Variants in STOX2 observed in about 807,000 individuals in gnomAD.
The protein encoded by STOX2 is storkhead box 2, also known as storkhead-box protein 2.
In STOX2, 28 loss-of-function variants were observed where a neutral mutation model predicts 60.9. The ratio of observed to expected loss-of-function variants is 0.46; its 90% CI spans 0.34 to 0.63. The LOEUF (loss-of-function observed/expected upper bound fraction) is 0.63. Among genes scored for constraint, STOX2 ranks in the 30% least tolerant of loss-of-function variants. STOX2 has a pLI of 0.01. For synonymous variants in STOX2, 472 were observed against 463.9 expected (o/e 1.02, Z -0.22); for missense variants, 1,024 against 1,187.7 (o/e 0.86, Z 2.03).
chr4:183,875,285 C>T (rs1740803799), intron 1 of STOX2, among the ~76,000 whole-genome samples: 1 of 152,064 alleles, frequency 6.6e-6, no homozygotes, highest in African/African-American at 2.4e-5. Flanking sequence ...CTCTCCCTTC[C>T]CTCCGCTTCC....
intron 1 of STOX2, among the ~76,000 whole-genome samples, chr4:183,800,529 C>T (rs1267793946): frequency 6.6e-6 from 1 of 152,202 alleles, no homozygotes; most frequent in Non-Finnish European, 1.5e-5. Context: ...GGTCCTTTTA[C>T]ATTGTTTTGG....
At chr4:184,005,001 G>A (rs11727790) in intron 2 of STOX2, among the ~76,000 whole-genome samples, 54,393 of 151,972 alleles carry the variant, frequency 0.36, 11,069 homozygotes, top group South Asian at 0.48. Flanking sequence ...TCTCCCATTC[G>A]TCTCCTTATG....
At chr4:183,929,300 T>C (rs1393635382) in intron 1 of STOX2, among the ~76,000 whole-genome samples, 2 of 152,208 alleles carry the variant, frequency 1.3e-5, no homozygotes, top group South Asian at 2.1e-4. Flanking sequence ...AGATATTTTA[T>C]GCTGTTTTTG....
chr4:183,839,146 G>A (rs1739788272), intron 1 of STOX2, among the ~76,000 whole-genome samples: 1 of 152,170 alleles, frequency 6.6e-6, no homozygotes, highest in Non-Finnish European at 1.5e-5. Context: ...GGCTAGCAGA[G>A]TTCCCTCTTC....
At chr4:183,860,449 AAAAAAAAAAGAAG>A (rs1179097754) in intron 1 of STOX2, among the ~76,000 whole-genome samples, 1 of 149,666 alleles carries the variant, frequency 6.7e-6, no homozygotes, top group Non-Finnish European at 1.5e-5. Context: ...AAACAAAAAA[AAAAAAAAAAGAAG>A]AAAAAGAAGA....
intron 1 of STOX2, among the ~76,000 whole-genome samples, chr4:183,801,393 C>T (rs11724767): frequency 0.28 from 42,392 of 152,142 alleles, 6,624 homozygotes; most frequent in South Asian, 0.41. Flanking sequence ...AAAGCCCATA[C>T]ATGTTTATTG....
intron 1 of STOX2, among the ~76,000 whole-genome samples, chr4:183,929,626 G>A (rs1413676200): frequency 2.0e-5 from 3 of 152,112 alleles, no homozygotes; most frequent in African/African-American, 7.2e-5. Flanking sequence ...AAAACCAAAT[G>A]AACAAAGAGG....
At position 183,957,181 on chromosome 4, in the gene STOX2, A is replaced by AATC. The variant is rs1166841001; in HGVS notation, c.167-44142_167-44141insCAT. On this transcript the variant is annotated intron_variant, in intron 1 of 3. Coordinates refer to ENST00000308497, the MANE Select transcript of STOX2 (RefSeq NM_020225.3). ...TAATAATAATAATAATAATAATAAT[A>AATC]ATAAAAGAAAAAACACTGGGAGGCA... Among the ~76,000 whole-genome samples the AATC allele has an allele frequency of 8.1e-4, 121 of 149,910 alleles. No homozygotes were observed. In the Middle Eastern group the frequency reaches 0.011, roughly 13 times the overall value.
rs576167443 is a variant in STOX2, at chr4:183,876,045, C to A, written c.364+77990C>A. Reference sequence around the variant, plus strand: ...TACTTTAGATACTGTTGACCAGAGGCCCCATATCAGCTAGAATTGTTGCAG... The same window carrying A: ...TACTTTAGATACTGTTGACCAGAGGACCCATATCAGCTAGAATTGTTGCAG... On this transcript the variant is annotated intron_variant, in intron 1 of 2. Transcript: ENST00000513034. Among the ~76,000 whole-genome samples the A allele has an allele frequency of 4.6e-5, 7 of 152,256 alleles. No individual in the cohort carries two copies. The East Asian group carries it at 1.4e-3, about 29-fold the overall frequency.
chr4:183,995,289 G>GTTTTTTTTTTTTTTTT (rs1467692938), intron 1 of STOX2, among the ~76,000 whole-genome samples: 1 of 75,984 alleles, frequency 1.3e-5, no homozygotes, highest in Non-Finnish European at 2.4e-5. Flanking sequence ...CTTTATTTTA[G>GTTTTTTTTTTTTTTTT]TCTTTTTTTT....
chr4:183,939,990 G>A (rs1186155035), intron 1 of STOX2, among the ~76,000 whole-genome samples: 13 of 152,186 alleles, frequency 8.5e-5, no homozygotes, highest in African/African-American at 2.4e-4. Flanking sequence ...TGCAGCCTCC[G>A]CCTCCCGGGT....
intron 1 of STOX2, among the ~76,000 whole-genome samples, chr4:183,920,768 G>A (rs967507941): frequency 8.6e-5 from 13 of 152,028 alleles, no homozygotes; most frequent in African/African-American, 2.7e-4. Context: ...TTGTAATGCC[G>A]TTGTGAGCTC....
At chr4:183,892,974 G>A (rs1242865695) in intron 1 of STOX2, among the ~76,000 whole-genome samples, 1 of 152,164 alleles carries the variant, frequency 6.6e-6, no homozygotes, top group East Asian at 1.9e-4. Flanking sequence ...TCTGTAGGAG[G>A]CTTGTCTCCA....
At chr4:183,840,754 T>C (rs879535266) in intron 1 of STOX2, among the ~76,000 whole-genome samples, 3 of 152,230 alleles carry the variant, frequency 2.0e-5, no homozygotes, top group Non-Finnish European at 2.9e-5. Flanking sequence ...TTCAGTGGCT[T>C]GAGACTTGGT....
chr4:183,846,848 G>A (rs1192143453), intron 1 of STOX2, among the ~76,000 whole-genome samples: 1 of 151,622 alleles, frequency 6.6e-6, no homozygotes, highest in Non-Finnish European at 1.5e-5. Context: ...TTTTGAAACT[G>A]GGTTTTGAAT....
chr4:183,866,149 T>G (rs192598111), intron 1 of STOX2, among the ~76,000 whole-genome samples: 1 of 152,196 alleles, frequency 6.6e-6, no homozygotes, highest in African/African-American at 2.4e-5. Context: ...GAAGGAATAA[T>G]ATAGGGAGGG....
chr4:183,991,278 T>C (rs1216679808), intron 1 of STOX2, among the ~76,000 whole-genome samples: 1 of 152,204 alleles, frequency 6.6e-6, no homozygotes, highest in Non-Finnish European at 1.5e-5. Context: ...TACTTCATAC[T>C]AGTATAAGGA....
At chr4:183,938,067 T>C (rs570102088) in intron 1 of STOX2, among the ~76,000 whole-genome samples, 97 of 152,272 alleles carry the variant, frequency 6.4e-4, no homozygotes, top group Non-Finnish European at 1.2e-4. Context: ...GAGGATCGCT[T>C]GAGCCTGGAA....
chr4:183,956,439 CATCTATCTATCT>C lies in STOX2; in HGVS notation c.167-44853_167-44842del, dbSNP rs35378121. 6.0e-3 allele frequency among the ~76,000 whole-genome samples: 877 copies of C among 145,994 alleles called. 8 individuals are homozygous for C. The highest frequency in any genetic ancestry group is 0.015 in the African/African-American group (598 of 38,626). On this transcript the variant is annotated intron_variant, in intron 1 of 3. Coordinates refer to ENST00000308497, the MANE Select transcript of STOX2 (RefSeq NM_020225.3). ...TCTGTCGATCTATCATTCTATCATTCATCTATCTATCTATCTATCTATCTATCTATCTATCTA... is the reference window on the plus strand; with the variant it reads ...TCTGTCGATCTATCATTCTATCATTCATCTATCTATCTATCTATCTATCTA...
Sources: gnomAD v4.1 joint callset for allele counts (sites outside exome capture counted in the v4.1 genomes callset) on GRCh38, gnomAD v4.1.1 for gene constraint, MANE v1.5 for transcripts, NCBI Gene and HGNC (gene_info 2026-07-23, HGNC 2026-07-21) for gene names.